Variants in TRPC6 observed in about 807,000 individuals in gnomAD.
The protein encoded by TRPC6 is short transient receptor potential channel 6.
In TRPC6, 55 loss-of-function variants were observed where a neutral mutation model predicts 90.7. That is an observed-to-expected ratio of 0.61 (90% CI 0.49 to 0.76). TRPC6 has a LOEUF of 0.76. Ranked by LOEUF, TRPC6 falls within the 30% of genes least tolerant of loss-of-function variation. The pLI is 0.00. For synonymous variants in TRPC6, 393 were observed against 393.0 expected (o/e 1.00, Z 0.00); for missense variants, 989 against 1,122.7 (o/e 0.88, Z 1.70).
At chr11:101,474,059 C>T (rs1565207978) in intron 6 of TRPC6, among the ~76,000 whole-genome samples, 1 of 152,162 alleles carries the variant, frequency 6.6e-6, no homozygotes, top group Non-Finnish European at 1.5e-5. Context: ...TATGTACGCA[C>T]ACACACGTAT....
intron 1 of TRPC6, among the ~76,000 whole-genome samples, chr11:101,552,124 C>A (rs1048928776): frequency 6.6e-6 from 1 of 152,042 alleles, no homozygotes; most frequent in Non-Finnish European, 1.5e-5. Flanking sequence ...CTTCACAGTT[C>A]TTTACACCAA....
chr11:101,516,757 G>A (rs1203968308), intron 1 of TRPC6, among the ~76,000 whole-genome samples: 2 of 152,224 alleles, frequency 1.3e-5, no homozygotes, highest in Non-Finnish European at 2.9e-5. Context: ...ATTTCATCCT[G>A]GGAACGCAGG....
intron 1 of TRPC6, among the ~76,000 whole-genome samples, chr11:101,564,412 C>G (rs928086294): frequency 3.3e-5 from 5 of 152,086 alleles, no homozygotes; most frequent in African/African-American, 1.2e-4. Flanking sequence ...CTAATAGTGG[C>G]ACTTTTATTT....
intron 4 of TRPC6, among the ~76,000 whole-genome samples, chr11:101,486,251 T>C (rs1859677527): frequency 6.6e-6 from 1 of 152,094 alleles, no homozygotes. Flanking sequence ...CACTAGACTT[T>C]AGGAATTGAA....
chr11:101,473,855 A>ATAGT (rs1429196862), intron 6 of TRPC6, 82 bp from the exon 7 acceptor site: 16 of 1,590,946 alleles, frequency 1.0e-5, no homozygotes, highest in Non-Finnish European at 1.4e-5. Flanking sequence ...CGAAAGAAAT[A>ATAGT]TAGTTATGTT....
intron 10 of TRPC6, among the ~76,000 whole-genome samples, chr11:101,468,057 G>T (rs911185163): frequency 9.2e-5 from 14 of 152,186 alleles, no homozygotes; most frequent in African/African-American, 3.1e-4. Flanking sequence ...ACCCTAATCT[G>T]CTGACTCTCT....
chr11:101,489,659 T>G (rs1045974249), intron 3 of TRPC6, among the ~76,000 whole-genome samples: 1 of 151,922 alleles, frequency 6.6e-6, no homozygotes, highest in Non-Finnish European at 1.5e-5. Context: ...GAGGGAATCT[T>G]TAAGTTTTCA....
chr11:101,546,918 A>G (rs1043174949), intron 1 of TRPC6, among the ~76,000 whole-genome samples: 1 of 152,218 alleles, frequency 6.6e-6, no homozygotes, highest in African/African-American at 2.4e-5. Flanking sequence ...ATGAATGTCA[A>G]AATTATCAGG....
chr11:101,465,285 G>C (rs1258686484), intron 10 of TRPC6, among the ~76,000 whole-genome samples: 3 of 152,058 alleles, frequency 2.0e-5, no homozygotes, highest in Non-Finnish European at 4.4e-5. Flanking sequence ...TCTTCTCAAG[G>C]AGTATCTTTG....
intron 10 of TRPC6, among the ~76,000 whole-genome samples, chr11:101,463,518 C>CTT (rs1859058059): frequency 6.6e-6 from 1 of 152,178 alleles, no homozygotes; most frequent in African/African-American, 2.4e-5. Context: ...GATTCAACTT[C>CTT]TTCCTGGTTT....
In TRPC6 at chr11:101,583,483, G is replaced by C. The variant is rs1228709755; in HGVS notation, c.21C>G (p.Phe7Leu). The part of the protein sequence containing the change: MSQSPA[F>L]GPRRGSSPRG... Reference sequence around the variant, plus strand: ...GGGGAGAACTGCCCCTCCGGGGCCCGAACGCCGGGCTCTGGCTCATGGCGG... The same window carrying C: ...GGGGAGAACTGCCCCTCCGGGGCCCCAACGCCGGGCTCTGGCTCATGGCGG... Residue 7 changes from phenylalanine (F) to leucine (L), a missense_variant, in exon 1 of 13, where the codon TTC becomes TTG. Physicochemically the swap from Phe to Leu is conservative, Grantham distance 22 (BLOSUM62 0). Coordinates refer to ENST00000344327, the MANE Select transcript of TRPC6 (RefSeq NM_004621.6). The C allele has an allele frequency of 6.6e-7, 1 of 1,508,316 alleles. No individual in the cohort carries two copies. Among genetic ancestry groups the C allele is most frequent in the African/African-American group, 1.4e-5 (1 of 70,428 alleles). The allele number at this position is 1,508,316 out of a possible 1,614,324, so 93.4% of individuals were successfully genotyped here.
At chr11:101,485,877 T>A (rs1591078243) in intron 4 of TRPC6, among the ~76,000 whole-genome samples, 1 of 152,144 alleles carries the variant, frequency 6.6e-6, no homozygotes, top group East Asian at 1.9e-4. Flanking sequence ...CCTGAACAAC[T>A]CTAAAGTCAA....
At chr11:101,464,012 T>C (rs1019833781) in intron 10 of TRPC6, among the ~76,000 whole-genome samples, 3 of 152,242 alleles carry the variant, frequency 2.0e-5, no homozygotes, top group Non-Finnish European at 4.4e-5. Flanking sequence ...TGTGTCTTTG[T>C]TCTCATTGGT....
At chr11:101,547,175 T>C (rs147583264) in intron 1 of TRPC6, among the ~76,000 whole-genome samples, 1 of 152,188 alleles carries the variant, frequency 6.6e-6, no homozygotes, top group Admixed American at 6.5e-5. Context: ...ACTTTATATG[T>C]ATTATTTACT....
chr11:101,499,757 A>ATG lies in TRPC6; in HGVS notation c.945+4265_945+4266dup, dbSNP rs1193192403. Among the ~76,000 whole-genome samples the ATG allele has an allele frequency of 2.0e-3, 9 of 4,460 alleles. 3 individuals carry two copies. Among genetic ancestry groups the ATG allele is most frequent in the Non-Finnish European group, 6.5e-3 (8 of 1,240 alleles). 2.9% of individuals were successfully genotyped at this position (4,460 alleles called of 152,430 possible). Reference sequence around the variant, plus strand: ...TGTATATATATATACACAATATATAATGTGTATATATATATATACACAGTA... The same window carrying ATG: ...TGTATATATATATACACAATATATAATGTGTGTATATATATATATACACAGTA... On this transcript the variant is annotated intron_variant, in intron 2 of 12. Transcript: ENST00000344327.
At chr11:101,493,230 T>C (rs1859870730) in intron 2 of TRPC6, among the ~76,000 whole-genome samples, 1 of 152,180 alleles carries the variant, frequency 6.6e-6, no homozygotes, top group Non-Finnish European at 1.5e-5. Context: ...TAAAATACAC[T>C]AACACTAATG....
chr11:101,459,785 T>C (rs1858963259), intron 10 of TRPC6, among the ~76,000 whole-genome samples: 1 of 152,178 alleles, frequency 6.6e-6, no homozygotes, highest in Non-Finnish European at 1.5e-5. Flanking sequence ...AAGAGCCAAT[T>C]ACACTGACCT....
chr11:101,519,328 C>T, intron 1 of TRPC6, among the ~76,000 whole-genome samples: 1 of 150,856 alleles, frequency 6.6e-6, no homozygotes, highest in East Asian at 1.9e-4. Context: ...CCTATGTACC[C>T]ACAAAAATTT....
chr11:101,523,494 TTC>T (rs1246796087), intron 1 of TRPC6, among the ~76,000 whole-genome samples: 1 of 152,232 alleles, frequency 6.6e-6, no homozygotes. Context: ...ATCTGTAATT[TTC>T]TCTTTCTTAT....
Sources: allele counts gnomAD v4.1 joint callset (sites outside exome capture counted in the v4.1 genomes callset), GRCh38; gene constraint gnomAD v4.1.1; transcripts MANE v1.5; gene names NCBI Gene and HGNC (gene_info 2026-07-23, HGNC 2026-07-21).